The following PAX1 variants were observed in gnomAD, a reference collection of about 807,000 sequenced individuals.
PAX1 encodes the protein paired box protein Pax-1.
Under a neutral mutation model 35.6 loss-of-function variants are expected in PAX1, and 18 were observed. That is an observed-to-expected ratio of 0.50 (90% CI 0.35 to 0.75). The LOEUF (loss-of-function observed/expected upper bound fraction) is 0.75. Among genes scored for constraint, PAX1 ranks in the 30% least tolerant of loss-of-function variants. PAX1 has a pLI of 0.01. For missense variants in PAX1, 760 were observed against 661.5 expected, an observed-to-expected ratio of 1.15 and a Z score of -1.63; for synonymous variants, 397 against 305.2, an observed-to-expected ratio of 1.30 and a Z score of -3.14.
At chr20:21,708,889 A>C (rs891559612) in intron 3 of PAX1, among the ~76,000 whole-genome samples, 189 bp downstream of exon 3, 3 of 152,118 alleles carry the variant, frequency 2.0e-5, no homozygotes, top group Middle Eastern at 3.2e-3. Flanking sequence ...CTGACTTTAG[A>C]GGGGTTGACT....
Position 21,714,734 on chromosome 20 carries a change from C to T in PAX1, c.*172C>T. The stretch of plus-strand genomic sequence containing the variant: ...CAGCCAGCCCCCAGGCCCAGCCCTG[C>T]CTCTGGCCGGACCCACCACACTTCC... On this transcript the variant is annotated 3_prime_UTR_variant, in exon 5 of 5. Transcript: ENST00000613128. 1 of 1,604,396 alleles carries T rather than the reference C, an allele frequency of 6.2e-7. No individual in the cohort carries two copies. The highest frequency in any genetic ancestry group is 8.5e-7 in the Non-Finnish European group (1 of 1,179,896).
intron 4 of PAX1, among the ~76,000 whole-genome samples, chr20:21,714,210 G>T (rs1056336225): frequency 6.6e-6 from 1 of 152,190 alleles, no homozygotes; most frequent in Non-Finnish European, 1.5e-5. Context: ...CCTGGCCAGC[G>T]GTCAGTGTTT....
At position 21,709,300 on chromosome 20, in the gene PAX1, A is replaced by G; in HGVS notation, c.1138A>G (p.Ser380Gly). The G allele has an allele frequency of 6.2e-7, 1 of 1,602,792 alleles. No homozygotes were observed. The change falls in exon 4 of 5, where the codon AGC (serine) becomes GGC (glycine). Residue 380 changes from serine (S) to glycine (G), a missense_variant. Physicochemically the swap from Ser to Gly is moderately conservative, Grantham distance 56 (BLOSUM62 0). Transcript: ENST00000613128. The part of the protein sequence containing the change: ...YPASNQHGVY[S>G]APGGGYLAPG... The stretch of plus-strand genomic sequence containing the variant: ...GGCCTCCAACCAGCACGGCGTGTAC[A>G]GCGCCCCGGGCGGCGGCTACCTCGC...
At chr20:21,712,260 A>AT (rs1013533419) in intron 4 of PAX1, among the ~76,000 whole-genome samples, 2 of 152,250 alleles carry the variant, frequency 1.3e-5, no homozygotes, top group African/African-American at 2.4e-5. Flanking sequence ...ACTATAATTC[A>AT]TTTTTTTCTT....
intron 2 of PAX1, 96 bp from the exon 3 acceptor site, chr20:21,708,462 C>T (rs1201315425): frequency 6.9e-7 from 1 of 1,458,948 alleles, no homozygotes; most frequent in African/African-American, 1.4e-5. Context: ...TGTGGGACCC[C>T]TGGCCGTGTC....
At chr20:21,708,860 C>G (rs941933057) in intron 3 of PAX1, among the ~76,000 whole-genome samples, 160 bp downstream of exon 3, 2 of 152,144 alleles carry the variant, frequency 1.3e-5, no homozygotes, top group Non-Finnish European at 2.9e-5. Flanking sequence ...TTTCCTCAAG[C>G]GTACTAGTTT....
chr20:21,716,110 C>G lies in PAX1; in HGVS notation c.*1548C>G, dbSNP rs181497503. 6.6e-6 allele frequency: 1 copy of G among 152,336 alleles called. No individual in the cohort carries two copies. The highest frequency in any genetic ancestry group is 1.5e-5 in the Non-Finnish European group (1 of 68,036). 9.4% of individuals were successfully genotyped at this position (152,336 alleles called of 1,614,324 possible). A position where few individuals can be genotyped will look rare whatever the true frequency, so the allele number is the denominator to read the frequency against. On this transcript the variant is annotated 3_prime_UTR_variant, in exon 5 of 5. Transcript: ENST00000613128. ...ATTATGCAGAAACCACCTTGAAATG[C>G]AGTTAATTCTGAAAAGAGTAAAATG...
chr20:21,712,467 C>G (rs1189358529), intron 4 of PAX1, among the ~76,000 whole-genome samples: 1 of 152,160 alleles, frequency 6.6e-6, no homozygotes, highest in African/African-American at 2.4e-5. Context: ...ATAGCCAGGG[C>G]ACGACCATCT....
At position 21,714,464 on chromosome 20, in the gene PAX1, C is replaced by T. The variant is rs763330916; in HGVS notation, c.1283-7C>T. On this transcript the variant is annotated splice_polypyrimidine_tract_variant and splice_region_variant and intron_variant, in intron 4 of 4. Transcript: ENST00000613128. ...GTGATCCGACGCCTCTGTGCTTCCT[C>T]CCGCAGTGGCTGACAGGAAGCCTCC... is the stretch of plus-strand genomic sequence containing the variant. 5.1e-6 allele frequency: 8 copies of T among 1,560,974 alleles called. No individual in the cohort carries two copies. The highest frequency in any genetic ancestry group is 4.7e-5 in the South Asian group (4 of 84,850).
At position 21,709,242 on chromosome 20, in the gene PAX1, C is replaced by T; in HGVS notation, c.1080C>T (p.Ala360=). The change falls in exon 4 of 5, where the codon GCC becomes GCT. Residue 360 remains alanine, a synonymous_variant. Transcript: ENST00000613128. ...KYTQSASTLS[A]VGGFLPACAY... is the part of the protein sequence containing the mutation. ...CACAGTCGGCCTCCACCCTCTCTGC[C>T]GTGGGCGGCTTTCTCCCCGCCTGCG... The T allele has an allele frequency of 6.2e-7, 1 of 1,606,660 alleles. No individual in the cohort carries two copies.
At chr20:21,712,319 A>G (rs1015639218) in intron 4 of PAX1, among the ~76,000 whole-genome samples, 2 of 152,200 alleles carry the variant, frequency 1.3e-5, no homozygotes, top group African/African-American at 4.8e-5. Context: ...GTAGGTAAAA[A>G]GCATGATTTA....
chr20:21,714,926 C>A lies in PAX1; in HGVS notation c.*364C>A. Reference sequence around the variant, plus strand: ...TCGCCTCTCTCCCTGTTTCCTTCCCCCCTCTTTCTTTCTCACTCTCCCTCC... The same window carrying A: ...TCGCCTCTCTCCCTGTTTCCTTCCCACCTCTTTCTTTCTCACTCTCCCTCC... On this transcript the variant is annotated 3_prime_UTR_variant, in exon 5 of 5. Coordinates refer to ENST00000613128, the MANE Select transcript of PAX1 (RefSeq NM_001257096.2). 2 of 814,268 alleles carry A rather than the reference C, an allele frequency of 2.5e-6. No homozygotes were observed. The highest frequency in any genetic ancestry group is 2.6e-5 in the East Asian group (1 of 37,854). 50.4% of individuals were successfully genotyped at this position (814,268 alleles called of 1,614,324 possible).
chr20:21,709,201 G>T lies in PAX1; in HGVS notation c.1060-21G>T, dbSNP rs372884479. ...GAAGGCAGGATTTTCTGCTGCTGACGGTCCCTCTCTATCCCCACAGTCGGC... is the reference window on the plus strand; with the variant it reads ...GAAGGCAGGATTTTCTGCTGCTGACTGTCCCTCTCTATCCCCACAGTCGGC... On this transcript the variant is annotated intron_variant, in intron 3 of 4. Transcript: ENST00000613128. The T allele has an allele frequency of 4.4e-6, 7 of 1,575,264 alleles. No individual in the cohort carries two copies. In the East Asian group the frequency reaches 6.7e-5, roughly 15 times the overall value.
chr20:21,707,174 C>T, intron 2 of PAX1, 107 bp downstream of exon 2: 1 of 1,405,220 alleles, frequency 7.1e-7, no homozygotes, highest in Non-Finnish European at 9.9e-7. Context: ...CCGGTTCTGG[C>T]TCAGGGGAGG....
Position 21,708,607 on chromosome 20 carries a change from C to G in PAX1, c.966C>G (p.Asp322Glu). ...EGTAYSPKMEDWAGVNRTAFP... is the reference protein window; with the variant it reads ...EGTAYSPKMEEWAGVNRTAFP... The stretch of plus-strand genomic sequence containing the variant: ...CCGCTTACTCTCCCAAGATGGAAGA[C>G]TGGGCCGGCGTGAACCGCACGGCCT... Residue 322 changes from aspartate (D) to glutamate (E), a missense_variant, in exon 3 of 5, where the codon GAC becomes GAG. Asp to Glu is a conservative substitution (Grantham distance 45). Around this residue, in one of 3 missense-constraint regions of PAX1, gnomAD observed 490 missense variants for 428.4 expected, o/e 1.14. Coordinates refer to ENST00000613128, the MANE Select transcript of PAX1 (RefSeq NM_001257096.2). The G allele has an allele frequency of 1.2e-6, 2 of 1,613,760 alleles. No individual in the cohort carries two copies. Among genetic ancestry groups the G allele is most frequent in the Non-Finnish European group, 1.7e-6 (2 of 1,180,020 alleles).
In PAX1 at chr20:21,705,962, C is replaced by T; in HGVS notation, c.250C>T (p.Pro84Ser). Residue 84 changes from proline (P) to serine (S), a missense_variant, in exon 1 of 5, where the codon CCC becomes TCC. By Grantham distance (74) the Pro-to-Ser change is moderately conservative. Around this residue, in one of 3 missense-constraint regions of PAX1, gnomAD observed 222 missense variants for 153.0 expected, o/e 1.45. Coordinates refer to ENST00000613128, the MANE Select transcript of PAX1 (RefSeq NM_001257096.2). ...AGPSPGHPGH[P>S]GARQLAGPLA... Reference sequence around the variant, plus strand: ...GCCCAGCCCCGGCCACCCCGGCCACCCCGGCGCCAGGCAGCTGGCCGGCCC... The same window carrying T: ...GCCCAGCCCCGGCCACCCCGGCCACTCCGGCGCCAGGCAGCTGGCCGGCCC... 1 of 1,489,840 alleles carries T rather than the reference C, an allele frequency of 6.7e-7. No homozygotes were observed. The highest frequency in any genetic ancestry group is 8.9e-7 in the Non-Finnish European group (1 of 1,128,790). The allele number at this position is 1,489,840 out of a possible 1,614,324, so 92.3% of individuals were successfully genotyped here.
chr20:21,709,328 C>T lies in PAX1; in HGVS notation c.1166C>T (p.Pro389Leu). 2.5e-6 allele frequency: 4 copies of T among 1,595,544 alleles called. No homozygotes were observed. The highest frequency in any genetic ancestry group is 2.6e-6 in the Non-Finnish European group (3 of 1,176,184). ...YSAPGGGYLA[P>L]GPPWPPAQGP... ...GCCCCGGGCGGCGGCTACCTCGCCC[C>T]GGGCCCGCCGTGGCCGCCTGCGCAA... Residue 389 changes from proline to leucine, a missense_variant, in exon 4 of 5, where the codon CCG becomes CTG. Pro to Leu is a moderately conservative substitution (Grantham distance 98). Transcript: ENST00000613128.
At chr20:21,712,829 G>A (rs1006728599) in intron 4 of PAX1, among the ~76,000 whole-genome samples, 2 of 152,094 alleles carry the variant, frequency 1.3e-5, no homozygotes, top group Non-Finnish European at 2.9e-5. Flanking sequence ...CAGCCCCGGG[G>A]ATCCCTTCCC....
Position 21,714,966 on chromosome 20 carries a change from T to A in PAX1, c.*404T>A. On this transcript the variant is annotated 3_prime_UTR_variant, in exon 5 of 5. Coordinates refer to ENST00000613128, the MANE Select transcript of PAX1 (RefSeq NM_001257096.2). Reference sequence around the variant, plus strand: ...ACTCTCCCTCCCTTCCCTTTCTCTTTCCCTTCCTCCCTACCTTCCACCCCG... The same window carrying A: ...ACTCTCCCTCCCTTCCCTTTCTCTTACCCTTCCTCCCTACCTTCCACCCCG... 1.4e-6 allele frequency: 1 copy of A among 707,498 alleles called. No individual in the cohort carries two copies. Among genetic ancestry groups the A allele is most frequent in the Non-Finnish European group, 2.5e-6 (1 of 400,880 alleles). 43.8% of individuals were successfully genotyped at this position (707,498 alleles called of 1,614,324 possible).
Sources: allele counts gnomAD v4.1 joint callset (sites outside exome capture counted in the v4.1 genomes callset), GRCh38; gene constraint gnomAD v4.1.1; regional missense constraint gnomAD v4.1.1; transcripts MANE v1.5; gene names NCBI Gene and HGNC (gene_info 2026-07-23, HGNC 2026-07-21).